SPOCK3: variants seen among roughly 807,000 people sequenced by gnomAD.
The protein encoded by SPOCK3 is testican-3.
In SPOCK3, 30 loss-of-function variants were observed where a neutral mutation model predicts 56.6. That is an observed-to-expected ratio of 0.53 (90% CI 0.40 to 0.72). SPOCK3 has a LOEUF of 0.72. SPOCK3 is among the 30% of genes least tolerant of loss of function. SPOCK3 has a pLI of 0.00. For missense variants in SPOCK3, 527 were observed against 530.0 expected (o/e 0.99, Z 0.06); for synonymous variants, 196 against 183.3 (o/e 1.07, Z -0.56).
chr4:166,792,127 T>G, intron 7 of SPOCK3, 43 bp downstream of exon 7: 1 of 1,611,280 alleles, frequency 6.2e-7, no homozygotes, highest in Middle Eastern at 1.7e-4. Flanking sequence ...AAATAAAACT[T>G]CATAACAGAT....
chr4:166,954,378 A>G (rs1171494750), intron 4 of SPOCK3, among the ~76,000 whole-genome samples: 1 of 152,126 alleles, frequency 6.6e-6, no homozygotes, highest in African/African-American at 2.4e-5. Context: ...ATTCTTGCCT[A>G]TAGCAACATT....
intron 3 of SPOCK3, among the ~76,000 whole-genome samples, chr4:167,038,521 G>A (rs971397280): frequency 3.3e-5 from 5 of 152,118 alleles, no homozygotes; most frequent in South Asian, 2.1e-4. Flanking sequence ...GCCTGGTTAT[G>A]GTAACTATTC....
At chr4:166,834,864 A>G (rs1746450370) in intron 6 of SPOCK3, among the ~76,000 whole-genome samples, 2 of 151,950 alleles carry the variant, frequency 1.3e-5, no homozygotes, top group Admixed American at 1.3e-4. Context: ...CTATGTTTTG[A>G]TCAATCTGTA....
At chr4:167,014,646 T>C (rs999077292) in intron 3 of SPOCK3, among the ~76,000 whole-genome samples, 3 of 151,930 alleles carry the variant, frequency 2.0e-5, no homozygotes, top group South Asian at 4.1e-4. Context: ...CAGAGAGATA[T>C]CCTGTTTTTA....
chr4:167,077,669 T>C (rs536632939), intron 2 of SPOCK3, among the ~76,000 whole-genome samples: 3 of 152,066 alleles, frequency 2.0e-5, no homozygotes, highest in East Asian at 3.9e-4. Flanking sequence ...TAATTCATTT[T>C]ATCGATGCTC....
chr4:167,035,035 A>C (rs1752613436), intron 3 of SPOCK3, among the ~76,000 whole-genome samples: 1 of 152,120 alleles, frequency 6.6e-6, no homozygotes, highest in South Asian at 2.1e-4. Flanking sequence ...CCTTTATAGG[A>C]ACCTATTCAG....
intron 2 of SPOCK3, among the ~76,000 whole-genome samples, chr4:167,205,738 G>C (rs944882944): frequency 1.4e-5 from 2 of 147,046 alleles, no homozygotes; most frequent in Non-Finnish European, 3.0e-5. Context: ...TCAGCCTCCG[G>C]AGTAGCTGGG....
At chr4:166,868,672 C>T (rs568437489) in intron 6 of SPOCK3, among the ~76,000 whole-genome samples, 2 of 152,170 alleles carry the variant, frequency 1.3e-5, no homozygotes, top group South Asian at 4.2e-4. Flanking sequence ...ATACTTTTAT[C>T]TATTTAAACA....
chr4:167,108,716 G>C lies in SPOCK3; in HGVS notation c.190-46179C>G, dbSNP rs1760407569. Among the ~76,000 whole-genome samples the C allele has an allele frequency of 3.3e-5, 5 of 151,192 alleles. No individual in the cohort carries two copies. In the South Asian group the frequency reaches 1.0e-3, roughly 31 times the overall value. On this transcript the variant is annotated intron_variant, in intron 2 of 10. Transcript: ENST00000357545. The stretch of plus-strand genomic sequence containing the variant: ...GGTTAATGGGTAAAAACAGTAGTTA[G>C]AAAGACAGGTAGAAAACAGTATTTG...
chr4:167,076,167 C>A (rs967084530), intron 2 of SPOCK3, among the ~76,000 whole-genome samples: 11 of 151,730 alleles, frequency 7.2e-5, no homozygotes, highest in African/African-American at 2.7e-4. Flanking sequence ...TGAGGCAGAG[C>A]CCAGAGGATT....
intron 2 of SPOCK3, among the ~76,000 whole-genome samples, chr4:167,232,147 A>T (rs1008809237): frequency 6.6e-6 from 1 of 152,142 alleles, no homozygotes; most frequent in Non-Finnish European, 1.5e-5. Context: ...AGCTTGTCTC[A>T]ATAGTTTAAG....
At chr4:166,995,421 C>A (rs115029495) in intron 4 of SPOCK3, among the ~76,000 whole-genome samples, 2,543 of 152,046 alleles carry the variant, frequency 0.017, 63 homozygotes, top group African/African-American at 0.057. Flanking sequence ...TGCAAACCTT[C>A]GTCATCCTAA....
chr4:166,897,929 C>T (rs952682589), intron 5 of SPOCK3, among the ~76,000 whole-genome samples: 1 of 152,122 alleles, frequency 6.6e-6, no homozygotes, highest in African/African-American at 2.4e-5. Flanking sequence ...ATGGCTTATG[C>T]CTGTAATCCC....
At chr4:166,974,859 A>G (rs1579861928) in intron 4 of SPOCK3, among the ~76,000 whole-genome samples, 2 of 152,352 alleles carry the variant, frequency 1.3e-5, no homozygotes, top group Non-Finnish European at 1.5e-5. Context: ...TCCAAAACTT[A>G]CACTGAATGT....
chr4:166,832,201 G>A (rs545265344), intron 6 of SPOCK3, among the ~76,000 whole-genome samples: 1 of 152,058 alleles, frequency 6.6e-6, no homozygotes, highest in South Asian at 2.1e-4. Context: ...TTTCTTTTAG[G>A]ATTCTTAGTT....
At chr4:167,074,342 T>C (rs1330133875) in intron 2 of SPOCK3, among the ~76,000 whole-genome samples, 1 of 151,966 alleles carries the variant, frequency 6.6e-6, no homozygotes, top group Non-Finnish European at 1.5e-5. Context: ...TGCCTGCAAC[T>C]CTTCCACGTG....
chr4:166,909,182 T>C (rs1445568241), intron 5 of SPOCK3, among the ~76,000 whole-genome samples: 3 of 152,160 alleles, frequency 2.0e-5, no homozygotes, highest in Admixed American at 6.6e-5. Context: ...TTTTTGTGTA[T>C]GCATTTTTAA....
intron 7 of SPOCK3, among the ~76,000 whole-genome samples, 186 bp from the exon 8 acceptor site, chr4:166,754,915 G>C (rs556045927): frequency 9.2e-5 from 14 of 152,074 alleles, no homozygotes; most frequent in Non-Finnish European, 1.2e-4. Context: ...CTACATTTCA[G>C]GATAGTTGTG....
chr4:167,052,296 G>A (rs987415663), intron 3 of SPOCK3, among the ~76,000 whole-genome samples: 3 of 152,144 alleles, frequency 2.0e-5, no homozygotes, highest in Admixed American at 2.0e-4. Context: ...TAGAATAAAT[G>A]AGCATTTACT....
Sources: allele counts gnomAD v4.1 joint callset (sites outside exome capture counted in the v4.1 genomes callset), GRCh38; gene constraint gnomAD v4.1.1; transcripts MANE v1.5; gene names NCBI Gene and HGNC (gene_info 2026-07-23, HGNC 2026-07-21).